The following TBC1D22A variants were observed in gnomAD, a reference collection of about 807,000 sequenced individuals.
TBC1D22A encodes putative GTPase activator.
Under a neutral mutation model 60.2 loss-of-function variants are expected in TBC1D22A, and 38 were observed. The observed-to-expected ratio is 0.63, with a 90% CI of 0.49 to 0.83. The LOEUF (loss-of-function observed/expected upper bound fraction) is 0.83. TBC1D22A is among the 40% of genes least tolerant of loss of function. TBC1D22A has a pLI of 0.00. For missense variants in TBC1D22A, 628 were observed against 701.0 expected, an observed-to-expected ratio of 0.90 and a Z score of 1.18; for synonymous variants, 302 against 281.7, an observed-to-expected ratio of 1.07 and a Z score of -0.72.
At chr22:47,138,190 G>A (rs2066944840) in intron 12 of TBC1D22A, among the ~76,000 whole-genome samples, 3 of 152,320 alleles carry the variant, frequency 2.0e-5, no homozygotes, top group Admixed American at 2.0e-4. Flanking sequence ...CTTTGTCGAG[G>A]AAGAAGTGGC....
intron 1 of TBC1D22A, among the ~76,000 whole-genome samples, chr22:46,769,642 G>A (rs979390482): frequency 6.6e-6 from 1 of 152,146 alleles, no homozygotes; most frequent in African/African-American, 2.4e-5. Flanking sequence ...GGGGAGGAGG[G>A]GCATGGAGGG....
intron 7 of TBC1D22A, among the ~76,000 whole-genome samples, chr22:46,909,155 A>G (rs1203341032): frequency 1.3e-5 from 2 of 152,174 alleles, no homozygotes; most frequent in Non-Finnish European, 2.9e-5. Context: ...TACTGCATTC[A>G]TGCTTATGAG....
intron 3 of TBC1D22A, among the ~76,000 whole-genome samples, chr22:46,794,195 C>G (rs761772170): frequency 6.6e-5 from 10 of 152,194 alleles, no homozygotes; most frequent in Admixed American, 3.9e-4. Flanking sequence ...ACACTGTCTC[C>G]CTCCTAACTC....
chr22:47,170,067 C>T (rs1016914845), intron 12 of TBC1D22A, among the ~76,000 whole-genome samples: 5 of 152,174 alleles, frequency 3.3e-5, no homozygotes, highest in Admixed American at 3.3e-4. Flanking sequence ...GACGACGTGG[C>T]CTAGTGCATA....
intron 7 of TBC1D22A, among the ~76,000 whole-genome samples, chr22:46,901,774 C>T (rs6009043): frequency 2.0e-5 from 3 of 151,996 alleles, no homozygotes; most frequent in South Asian, 2.1e-4. Context: ...TTCTTTCTGA[C>T]GCTACGATGC....
At chr22:47,098,963 T>C (rs1352899914) in intron 11 of TBC1D22A, among the ~76,000 whole-genome samples, 3 of 152,302 alleles carry the variant, frequency 2.0e-5, no homozygotes, top group South Asian at 4.1e-4. Flanking sequence ...TTGCACACAG[T>C]AGCCCCAAAC....
chr22:46,868,613 G>A (rs1424169115), intron 4 of TBC1D22A, among the ~76,000 whole-genome samples: 1 of 152,142 alleles, frequency 6.6e-6, no homozygotes, highest in Non-Finnish European at 1.5e-5. Flanking sequence ...TCTGAGGTGA[G>A]GCTGTCATTG....
chr22:47,012,911 C>T (rs1214541661), intron 10 of TBC1D22A, among the ~76,000 whole-genome samples: 1 of 152,174 alleles, frequency 6.6e-6, no homozygotes, highest in Non-Finnish European at 1.5e-5. Flanking sequence ...AAAAAACTTG[C>T]TGTTCGGAGC....
chr22:47,043,532 G>A (rs1481201690), intron 11 of TBC1D22A, among the ~76,000 whole-genome samples: 1 of 152,200 alleles, frequency 6.6e-6, no homozygotes. Context: ...CCCAGCTGGT[G>A]GCCAGCAGTC....
At chr22:46,803,895 C>G (rs1431734753) in intron 4 of TBC1D22A, among the ~76,000 whole-genome samples, 1 of 152,222 alleles carries the variant, frequency 6.6e-6, no homozygotes, top group African/African-American at 2.4e-5. Flanking sequence ...GCTCTGTCCT[C>G]AAGTCCCCTG....
At chr22:46,839,119 G>A (rs1036047724) in intron 4 of TBC1D22A, among the ~76,000 whole-genome samples, 21 of 152,160 alleles carry the variant, frequency 1.4e-4, no homozygotes, top group Admixed American at 1.1e-3. Context: ...CCAAAAAACT[G>A]TTGGAACTAA....
chr22:46,970,772 A>G (rs543017830), intron 8 of TBC1D22A, among the ~76,000 whole-genome samples: 124 of 152,308 alleles, frequency 8.1e-4, no homozygotes, highest in South Asian at 7.5e-3. Flanking sequence ...CTGGTTTTGT[A>G]TATCAGCATC....
At chr22:46,800,055 T>C (rs549413049) in intron 4 of TBC1D22A, among the ~76,000 whole-genome samples, 2 of 152,298 alleles carry the variant, frequency 1.3e-5, no homozygotes, top group African/African-American at 2.4e-5. Flanking sequence ...TTTAAGGGAA[T>C]GATACATTTT....
rs202152644 is a variant in TBC1D22A, at chr22:46,830,026, T to C, written c.637+32406T>C. On this transcript the variant is annotated intron_variant, in intron 4 of 12. Transcript: ENST00000337137. ...GCGCTGTGCTCGGCGAGAGACAGAA[T>C]GTCTGCCTGGTGCTGTGAGCGCAGA... Among the ~76,000 whole-genome samples the C allele has an allele frequency of 2.6e-5, 4 of 152,352 alleles. No individual in the cohort carries two copies. In the East Asian group the frequency reaches 5.8e-4, roughly 22 times the overall value.
chr22:46,838,580 T>C (rs1049878057), intron 4 of TBC1D22A, among the ~76,000 whole-genome samples: 21 of 151,806 alleles, frequency 1.4e-4, no homozygotes, highest in African/African-American at 5.1e-4. Context: ...TATACCCTGA[T>C]TTAAAAGCCA....
intron 8 of TBC1D22A, chr22:46,915,537 C>G (rs1311782097): frequency 2.2e-6 from 1 of 456,612 alleles, no homozygotes; most frequent in Non-Finnish European, 4.4e-6. Context: ...TGGCTACCTC[C>G]TGAGAGCTGC....
chr22:47,146,426 A>G (rs1008341436), intron 12 of TBC1D22A, among the ~76,000 whole-genome samples: 1 of 152,224 alleles, frequency 6.6e-6, no homozygotes, highest in Admixed American at 6.5e-5. Context: ...GTTAGAAAAA[A>G]ATCTATAAGC....
At chr22:47,051,860 G>C (rs181234014) in intron 11 of TBC1D22A, among the ~76,000 whole-genome samples, 1 of 152,324 alleles carries the variant, frequency 6.6e-6, no homozygotes, top group African/African-American at 2.4e-5. Context: ...TTGTTTCAGC[G>C]GTGCTCTCCT....
intron 12 of TBC1D22A, among the ~76,000 whole-genome samples, chr22:47,127,193 G>A (rs1474942807): frequency 6.6e-6 from 1 of 151,226 alleles, no homozygotes; most frequent in Non-Finnish European, 1.5e-5. Context: ...GAATTGGCAT[G>A]GATTTTTTTG....
Sources: gnomAD v4.1 joint callset for allele counts (sites outside exome capture counted in the v4.1 genomes callset) on GRCh38, gnomAD v4.1.1 for gene constraint, MANE v1.5 for transcripts, NCBI Gene and HGNC (gene_info 2026-07-23, HGNC 2026-07-21) for gene names.